Variants in CNBD1 observed in about 807,000 individuals in gnomAD.
CNBD1 encodes the protein cyclic nucleotide-binding domain-containing protein 1.
A neutral mutation model predicts 54.4 loss-of-function variants in CNBD1; 71 were observed. The ratio of observed to expected loss-of-function variants is 1.30; its 90% confidence interval spans 1.08 to 1.59. CNBD1 has a LOEUF of 1.59. Among genes scored for constraint, CNBD1 ranks in the 40% most tolerant of loss-of-function variants. CNBD1 has a pLI of 0.00. For synonymous variants in CNBD1, 182 were observed against 170.7 expected (o/e 1.07, Z -0.51); for missense variants, 659 against 518.0 (o/e 1.27, Z -2.64).
At chr8:87,177,653 A>G (rs1294523009) in intron 4 of CNBD1, among the ~76,000 whole-genome samples, 1 of 152,234 alleles carries the variant, frequency 6.6e-6, no homozygotes, top group South Asian at 2.1e-4. Context: ...TAAATAAAAC[A>G]CAAAGCACTC....
At chr8:87,290,735 G>C (rs897507859) in intron 8 of CNBD1, among the ~76,000 whole-genome samples, 1 of 152,102 alleles carries the variant, frequency 6.6e-6, no homozygotes, top group African/African-American at 2.4e-5. Flanking sequence ...GCTTTGCAGG[G>C]TGTAGGATTT....
intron 5 of CNBD1, among the ~76,000 whole-genome samples, chr8:87,207,564 G>A (rs1392866632): frequency 1.3e-5 from 2 of 151,990 alleles, no homozygotes; most frequent in Non-Finnish European, 2.9e-5. Flanking sequence ...CTTAGTGTAG[G>A]GGAGTGAAAT....
intron 4 of CNBD1, among the ~76,000 whole-genome samples, chr8:87,030,082 ACAG>A (rs1809748288): frequency 6.6e-6 from 1 of 152,244 alleles, no homozygotes; most frequent in African/African-American, 2.4e-5. Context: ...TAATCACACA[ACAG>A]AAATGATTAG....
chr8:87,265,319 G>A (rs996871009), intron 6 of CNBD1, among the ~76,000 whole-genome samples: 2 of 152,062 alleles, frequency 1.3e-5, no homozygotes, highest in African/African-American at 4.8e-5. Context: ...GTAGATATGT[G>A]GCGTTATTTC....
At chr8:87,278,579 G>C (rs1808529973) in intron 6 of CNBD1, among the ~76,000 whole-genome samples, 1 of 151,436 alleles carries the variant, frequency 6.6e-6, no homozygotes, top group South Asian at 2.1e-4. Context: ...CTTTTTGAAT[G>C]AAGGCAAAAT....
intron 4 of CNBD1, among the ~76,000 whole-genome samples, chr8:87,018,466 C>T (rs554315255): frequency 2.6e-5 from 4 of 152,086 alleles, no homozygotes; most frequent in Non-Finnish European, 4.4e-5. Context: ...TTTTTAAGTA[C>T]AAATTAAATC....
chr8:86,908,203 A>G (rs1809046806), intron 3 of CNBD1, among the ~76,000 whole-genome samples: 1 of 152,232 alleles, frequency 6.6e-6, no homozygotes, highest in Non-Finnish European at 1.5e-5. Context: ...ACGTTGAGAA[A>G]CAATTCTATA....
intron 1 of CNBD1, among the ~76,000 whole-genome samples, chr8:86,886,751 A>G (rs571488869): frequency 6.6e-6 from 1 of 152,286 alleles, no homozygotes; most frequent in African/African-American, 2.4e-5. Flanking sequence ...TTTCTCAATA[A>G]CTTTTCACTA....
chr8:87,305,599 C>G (rs559560511), intron 8 of CNBD1, among the ~76,000 whole-genome samples: 1 of 152,116 alleles, frequency 6.6e-6, no homozygotes, highest in Non-Finnish European at 1.5e-5. Flanking sequence ...AGAAATAAAC[C>G]CAAGTACTTA....
rs756604255 is a variant in CNBD1 at position 87,306,055 on chromosome 8, G to A, written c.1042+19384G>A. Among the ~76,000 whole-genome samples, 11 of 151,698 alleles carry A rather than the reference G, an allele frequency of 7.3e-5. 1 individual carries two copies. The highest frequency in any genetic ancestry group is 1.3e-4 in the Non-Finnish European group (9 of 67,872). On this transcript the variant is annotated intron_variant, in intron 8 of 10. Transcript: ENST00000518476. Reference sequence around the variant, plus strand: ...ATCTACAACAAACTCAAATACAACAGTAAGAAAAAAAACCATCCCATCAAA... The same window carrying A: ...ATCTACAACAAACTCAAATACAACAATAAGAAAAAAAACCATCCCATCAAA...
intron 4 of CNBD1, among the ~76,000 whole-genome samples, chr8:87,135,652 A>G (rs943478931): frequency 5.4e-5 from 8 of 148,320 alleles, no homozygotes; most frequent in African/African-American, 1.7e-4. Context: ...TATATATCCT[A>G]TATATAATAT....
At chr8:87,340,855 T>G (rs896125160) in intron 8 of CNBD1, among the ~76,000 whole-genome samples, 1 of 152,130 alleles carries the variant, frequency 6.6e-6, no homozygotes, top group Admixed American at 6.5e-5. Context: ...GAATTTTTTG[T>G]TGGGTAACTC....
At chr8:87,200,616 C>T (rs547867502) in intron 4 of CNBD1, among the ~76,000 whole-genome samples, 1 of 152,094 alleles carries the variant, frequency 6.6e-6, no homozygotes, top group Non-Finnish European at 1.5e-5. Flanking sequence ...AAAGATTATA[C>T]AGGAATCCTG....
intron 8 of CNBD1, among the ~76,000 whole-genome samples, chr8:87,347,881 C>A (rs1016968928): frequency 6.6e-6 from 1 of 152,062 alleles, no homozygotes; most frequent in South Asian, 2.1e-4. Context: ...CAGTGAGTAA[C>A]CATATTCTGA....
rs564638240 is a variant in CNBD1, at chr8:87,015,847, G to C, written c.431+76093G>C. ...AGTACAAAAATTAGACTGGTGTGGT[G>C]GTGGGTACCTGTAATCTCAGCTACT... On this transcript the variant is annotated intron_variant, in intron 4 of 10. Transcript: ENST00000518476. 1.7e-4 allele frequency among the ~76,000 whole-genome samples: 26 copies of C among 151,958 alleles called. 1 individual carries two copies. In the South Asian group the frequency reaches 4.0e-3, roughly 23 times the overall value.
chr8:86,936,993 A>G (rs1020449671), intron 3 of CNBD1, among the ~76,000 whole-genome samples: 1 of 152,178 alleles, frequency 6.6e-6, no homozygotes, highest in Non-Finnish European at 1.5e-5. Context: ...AATATTGCCT[A>G]CTCACATGGT....
At chr8:87,014,929 A>G (rs2061091970) in intron 4 of CNBD1, among the ~76,000 whole-genome samples, 2 of 152,158 alleles carry the variant, frequency 1.3e-5, no homozygotes, top group Admixed American at 1.3e-4. Flanking sequence ...GCCCTAAAAT[A>G]AAATAACTGC....
chr8:87,350,838 C>A (rs553336148), intron 8 of CNBD1, among the ~76,000 whole-genome samples: 2 of 151,906 alleles, frequency 1.3e-5, no homozygotes, highest in African/African-American at 4.8e-5. Context: ...GTATTTAAAT[C>A]ATGATGATAA....
chr8:87,038,037 G>A (rs938749846), intron 4 of CNBD1, among the ~76,000 whole-genome samples: 1 of 152,144 alleles, frequency 6.6e-6, no homozygotes, highest in Admixed American at 6.5e-5. Context: ...ATGATAGAGA[G>A]GTGAATGAGG....
Sources: allele counts gnomAD v4.1 joint callset (sites outside exome capture counted in the v4.1 genomes callset), GRCh38; gene constraint gnomAD v4.1.1; transcripts MANE v1.5; gene names NCBI Gene and HGNC (gene_info 2026-07-23, HGNC 2026-07-21).